Variants in SAMD5 observed in about 807,000 individuals in gnomAD.
SAMD5 encodes sterile alpha motif domain containing 5.
Under a neutral mutation model 11.3 loss-of-function variants are expected in SAMD5, and 13 were observed. That is an observed-to-expected ratio of 1.15 (90% CI 0.75 to 1.83). SAMD5 has a LOEUF of 1.83. SAMD5 is among the 40% of genes most tolerant of loss of function. The pLI is 0.00. For synonymous variants in SAMD5, 129 were observed against 111.3 expected (o/e 1.16, Z -1.00); for missense variants, 255 against 239.1 (o/e 1.07, Z -0.44).
the SAMD5 span, among the ~76,000 whole-genome samples, chr6:147,821,595 C>G: frequency 8.5e-5 from 13 of 152,296 alleles, no homozygotes; most frequent in African/African-American, 3.1e-4. Flanking sequence ...GATGCTGATA[C>G]GATTCTACAA....
intron 1 of SAMD5, among the ~76,000 whole-genome samples, chr6:147,596,498 A>C (rs1031094594): frequency 6.6e-6 from 1 of 151,980 alleles, no homozygotes; most frequent in Non-Finnish European, 1.5e-5. Context: ...ATGGAGACTA[A>C]TGTTCATTCT....
the SAMD5 span, among the ~76,000 whole-genome samples, chr6:147,929,662 C>T: frequency 2.6e-4 from 39 of 152,240 alleles, 1 homozygote; most frequent in South Asian, 7.7e-3. Context: ...TGTAGAATGA[C>T]ATCTACAAAT....
At chr6:147,546,282 C>G (rs770661580) in intron 1 of SAMD5, among the ~76,000 whole-genome samples, 1 of 152,140 alleles carries the variant, frequency 6.6e-6, no homozygotes, top group Non-Finnish European at 1.5e-5. Flanking sequence ...GTAATCCCAG[C>G]ACTTTGGGAG....
chr6:147,884,376 G>A, the SAMD5 span, among the ~76,000 whole-genome samples: 7 of 152,134 alleles, frequency 4.6e-5, no homozygotes, highest in Non-Finnish European at 5.9e-5. Context: ...TTGATTTCCC[G>A]GGACACCTGC....
rs1279796446 is a variant in SAMD5 at position 147,698,576 on chromosome 6, T to C, written c.163-38741T>C. Among the ~76,000 whole-genome samples, 4 of 152,162 alleles carry C rather than the reference T, an allele frequency of 2.6e-5. No individual in the cohort carries two copies. The East Asian group carries it at 7.7e-4, about 29-fold the overall frequency. On this transcript the variant is annotated intron_variant, in intron 1 of 1. Transcript: ENST00000566741. Reference sequence around the variant, plus strand: ...ACACTTCTGTCATAGCATGAATTGCTATAGAGTAGTCATTTCATTCATTCA... The same window carrying C: ...ACACTTCTGTCATAGCATGAATTGCCATAGAGTAGTCATTTCATTCATTCA...
chr6:147,557,728 G>A (rs956033585), intron 1 of SAMD5, among the ~76,000 whole-genome samples: 2 of 152,220 alleles, frequency 1.3e-5, no homozygotes, highest in Non-Finnish European at 2.9e-5. Flanking sequence ...CCAGGTGGAT[G>A]TGAATTTTGT....
In SAMD5 at chr6:147,564,906, A is replaced by G; in HGVS notation, c.*450A>G. The G allele has an allele frequency of 1.2e-6, 1 of 843,850 alleles. No homozygotes were observed. The highest frequency in any genetic ancestry group is 1.4e-6 in the Non-Finnish European group (1 of 701,408). The allele number at this position is 843,850 out of a possible 1,614,324, so 52.3% of individuals were successfully genotyped here. ...TGAGAACAGTAGCTTTAATTTTTATATTCAAGCATACATTCTACTTCATTT... is the reference window on the plus strand; with the variant it reads ...TGAGAACAGTAGCTTTAATTTTTATGTTCAAGCATACATTCTACTTCATTT... On this transcript the variant is annotated 3_prime_UTR_variant, in exon 2 of 2. Transcript: ENST00000367474.
chr6:147,535,903 C>T (rs943782120), intron 1 of SAMD5, among the ~76,000 whole-genome samples: 3 of 152,150 alleles, frequency 2.0e-5, no homozygotes, highest in Non-Finnish European at 4.4e-5. Context: ...GATGCCGTAA[C>T]GGGCTTTAAT....
chr6:147,757,995 C>A, the SAMD5 span, among the ~76,000 whole-genome samples: 1 of 152,084 alleles, frequency 6.6e-6, no homozygotes, highest in Non-Finnish European at 1.5e-5. Flanking sequence ...ACAGTGTTTG[C>A]TTCTATGATT....
chr6:147,943,904 C>G, the SAMD5 span, among the ~76,000 whole-genome samples: 13 of 152,106 alleles, frequency 8.5e-5, no homozygotes, highest in Non-Finnish European at 1.6e-4. Flanking sequence ...TCTCCTGGCC[C>G]CTTTTCCTGG....
the SAMD5 span, among the ~76,000 whole-genome samples, chr6:147,889,779 T>C: frequency 1.3e-5 from 2 of 152,216 alleles, no homozygotes; most frequent in Non-Finnish European, 2.9e-5. Flanking sequence ...TAGTCTGATC[T>C]TTGGGGTGAA....
chr6:147,805,037 C>CTGAAACATAGACCTTA, the SAMD5 span, among the ~76,000 whole-genome samples: 1 of 152,212 alleles, frequency 6.6e-6, no homozygotes, highest in East Asian at 1.9e-4. Context: ...CTTGAAGGAA[C>CTGAAACATAGACCTTA]TGAAACATAG....
the SAMD5 span, among the ~76,000 whole-genome samples, chr6:147,879,623 T>TCC: frequency 2.6e-5 from 4 of 152,222 alleles, no homozygotes; most frequent in African/African-American, 9.6e-5. Context: ...TACTAAGAGA[T>TCC]CTGATCGAAA....
the SAMD5 span, among the ~76,000 whole-genome samples, chr6:147,895,274 T>C: frequency 7.3e-5 from 11 of 150,056 alleles, no homozygotes; most frequent in Non-Finnish European, 1.5e-4. Context: ...GATTTTTTTT[T>C]CCCCTGGAAA....
At chr6:147,591,161 A>G (rs200668995) in intron 1 of SAMD5, among the ~76,000 whole-genome samples, 3 of 145,306 alleles carry the variant, frequency 2.1e-5, no homozygotes, top group Admixed American at 1.4e-4. Context: ...AAAAAAAAAA[A>G]CCCAAGATGG....
chr6:147,557,377 A>G (rs2128443715), intron 1 of SAMD5, among the ~76,000 whole-genome samples: 1 of 152,332 alleles, frequency 6.6e-6, no homozygotes. Flanking sequence ...AAACAACAGA[A>G]GTTTGTTTTC....
At chr6:147,689,707 A>AT (rs1285759422) in intron 1 of SAMD5, among the ~76,000 whole-genome samples, 1 of 152,202 alleles carries the variant, frequency 6.6e-6, no homozygotes, top group Non-Finnish European at 1.5e-5. Flanking sequence ...ACAATCACTT[A>AT]TTGTAAAAAA....
the SAMD5 span, among the ~76,000 whole-genome samples, chr6:147,788,636 A>G: frequency 6.6e-6 from 1 of 152,244 alleles, no homozygotes; most frequent in Non-Finnish European, 1.5e-5. Context: ...GATATAGCGT[A>G]GTGGTTAAGA....
chr6:147,863,055 A>G, the SAMD5 span, among the ~76,000 whole-genome samples: 2 of 152,108 alleles, frequency 1.3e-5, no homozygotes, highest in Non-Finnish European at 2.9e-5. Context: ...GTTCCAACAT[A>G]TTTTTAAATG....
Sources: gnomAD v4.1 joint callset for allele counts (sites outside exome capture counted in the v4.1 genomes callset) on GRCh38, gnomAD v4.1.1 for gene constraint, MANE v1.5 for transcripts, NCBI Gene and HGNC (gene_info 2026-07-23, HGNC 2026-07-21) for gene names.